The following FCRLB variants were observed in gnomAD, a reference collection of about 807,000 sequenced individuals.
The protein encoded by FCRLB is Fc receptor-like B.
A neutral mutation model predicts 33.6 loss-of-function variants in FCRLB; 34 were observed. That is an observed-to-expected ratio of 1.01 (90% CI 0.77 to 1.35). The LOEUF (loss-of-function observed/expected upper bound fraction) is 1.35, where lower values mean the gene tolerates loss of function less well. FCRLB is among the 40% of genes most tolerant of loss of function. The pLI is 0.00. For missense variants in FCRLB, 560 were observed against 580.2 expected (o/e 0.97, Z 0.36); for synonymous variants, 280 against 255.9 (o/e 1.09, Z -0.90).
Position 161,722,648 on chromosome 1 carries a change from T to C in FCRLB, c.-20-5T>C, listed in dbSNP as rs778671076. ...TCATGCCAGTGCATCTCCATCCTTCTGCAGCTGCTGCAGTCAGATCCATCA... is the reference window on the plus strand; with the variant it reads ...TCATGCCAGTGCATCTCCATCCTTCCGCAGCTGCTGCAGTCAGATCCATCA... On this transcript the variant is annotated splice_region_variant and splice_polypyrimidine_tract_variant and intron_variant, in intron 2 of 7. Transcript: ENST00000367948. The C allele has an allele frequency of 4.3e-6, 7 of 1,613,948 alleles. No homozygotes were observed. Among genetic ancestry groups the C allele is most frequent in the Non-Finnish European group, 5.1e-6 (6 of 1,179,856 alleles).
rs776749280 is a variant in FCRLB, at chr1:161,726,715, C to A, written c.587C>A (p.Ala196Glu). ...GCCCTCTCCGTAGAGCTGTTCCGGG[C>A]GCCGGTGCTGAGGGTGATGGGTCCG... The change falls in exon 7 of 8, where the codon GCG (alanine) becomes GAG (glutamate). Residue 196 changes from alanine (A) to glutamate (E), a missense_variant. Physicochemically the swap from Ala to Glu is moderately radical, Grantham distance 107 (BLOSUM62 -1). Transcript: ENST00000367948. The surrounding 1 kb of genome is among the most constrained non-coding windows in gnomAD (Gnocchi z 5.2). The A allele has an allele frequency of 7.5e-6, 12 of 1,593,888 alleles. No homozygotes were observed. In the African/African-American group the frequency reaches 1.5e-4, roughly 20 times the overall value.
At position 161,726,420 on chromosome 1, in the gene FCRLB, C is replaced by A. The variant is rs1683564280; in HGVS notation, c.575-283C>A. The A allele has an allele frequency of 2.8e-6, 2 of 719,330 alleles. No homozygotes were observed. Among genetic ancestry groups the A allele is most frequent in the Non-Finnish European group, 5.0e-6 (2 of 402,014 alleles). The allele number at this position is 719,330 out of a possible 1,614,324, so 44.6% of individuals were successfully genotyped here. A position where few individuals can be genotyped will look rare whatever the true frequency, so the allele number is the denominator to read the frequency against. ...GCGTCCTGCAAGGCAGGCGCAGCGTCTCCTATTCTAGGCTGCAGAACCCGA... is the reference window on the plus strand; with the variant it reads ...GCGTCCTGCAAGGCAGGCGCAGCGTATCCTATTCTAGGCTGCAGAACCCGA... On this transcript the variant is annotated intron_variant, in intron 6 of 7. Transcript: ENST00000367948. This position sits in a 1 kb window ranked among gnomAD's most constrained non-coding sequence, Gnocchi z 5.2.
At chr1:161,722,377 T>C (rs1192105624) in intron 2 of FCRLB, among the ~76,000 whole-genome samples, 1 of 152,208 alleles carries the variant, frequency 6.6e-6, no homozygotes, top group Non-Finnish European at 1.5e-5. Flanking sequence ...GGGGCTCTCT[T>C]GTGCTGTGGA....
chr1:161,726,359 GC>G lies in FCRLB; in HGVS notation c.574+274del, dbSNP rs5778228. On this transcript the variant is annotated intron_variant, in intron 6 of 7. Coordinates refer to ENST00000367948, the Ensembl canonical transcript of FCRLB. This position sits in a 1 kb window ranked among gnomAD's most constrained non-coding sequence, Gnocchi z 5.2. Reference sequence around the variant, plus strand: ...GAGGGCAGCTCTGGCAGGGGCAGGGGCCACTGTGGGACTGGGACGAAGGAGC... The same window carrying G: ...GAGGGCAGCTCTGGCAGGGGCAGGGGCACTGTGGGACTGGGACGAAGGAGC... 1 of 734,782 alleles carries G rather than the reference GC, an allele frequency of 1.4e-6. No homozygotes were observed. Among genetic ancestry groups the G allele is most frequent in the Non-Finnish European group, 2.4e-6 (1 of 416,818 alleles). 45.5% of individuals were successfully genotyped at this position (734,782 alleles called of 1,614,324 possible). A position where few individuals can be genotyped will look rare whatever the true frequency, so the allele number is the denominator to read the frequency against.
At position 161,726,361 on chromosome 1, in the gene FCRLB, C is replaced by A; in HGVS notation, c.574+274C>A. On this transcript the variant is annotated intron_variant, in intron 6 of 7. Transcript: ENST00000367948. This position sits in a 1 kb window ranked among gnomAD's most constrained non-coding sequence, Gnocchi z 5.2. ...GGGCAGCTCTGGCAGGGGCAGGGGC[C>A]ACTGTGGGACTGGGACGAAGGAGCG... 2.7e-6 allele frequency: 2 copies of A among 731,834 alleles called. No individual in the cohort carries two copies. The highest frequency in any genetic ancestry group is 4.8e-6 in the Non-Finnish European group (2 of 414,284). The allele number at this position is 731,834 out of a possible 1,614,324, so 45.3% of individuals were successfully genotyped here. A position where few individuals can be genotyped will look rare whatever the true frequency, so the allele number is the denominator to read the frequency against.
At chr1:161,722,936 C>T (rs1683419700) in intron 3 of FCRLB, 53 bp from the exon 4 acceptor site, 1 of 1,610,974 alleles carries the variant, frequency 6.2e-7, no homozygotes, top group East Asian at 2.2e-5. Flanking sequence ...TCTCTCTCCT[C>T]TCATCGCCAA....
Position 161,726,247 on chromosome 1 carries a change from AGC to A in FCRLB, c.574+163_574+164del. 7.8e-7 allele frequency: 1 copy of A among 1,275,736 alleles called. No homozygotes were observed. Among genetic ancestry groups the A allele is most frequent in the Non-Finnish European group, 1.1e-6 (1 of 905,794 alleles). 79.0% of individuals were successfully genotyped at this position (1,275,736 alleles called of 1,614,324 possible). ...TGTCTCCTCTCCTTTGCCGTGAAGC[AGC>A]GCTTGATCCGCCGCCTGCTTGGAGG... On this transcript the variant is annotated intron_variant, in intron 6 of 7. Transcript: ENST00000367948. This position sits in a 1 kb window ranked among gnomAD's most constrained non-coding sequence, Gnocchi z 5.2.
chr1:161,725,709 G>T (rs1571081896), intron 5 of FCRLB, 112 bp from the exon 6 acceptor site: 2 of 1,258,370 alleles, frequency 1.6e-6, no homozygotes, highest in East Asian at 4.8e-5. Context: ...GGGAGATGGC[G>T]GGGAAGGGAG....
chr1:161,722,868 A>T, intron 3 of FCRLB, 121 bp from the exon 4 acceptor site: 1 of 1,508,400 alleles, frequency 6.6e-7, no homozygotes, highest in South Asian at 1.2e-5. Flanking sequence ...TTGGGAAACC[A>T]GGGGCAGAAG....
At chr1:161,727,080 C>T in intron 7 of FCRLB, 87 bp downstream of exon 7, 1 of 1,315,282 alleles carries the variant, frequency 7.6e-7, no homozygotes, top group Non-Finnish European at 9.7e-7. Flanking sequence ...CCCCCGCCCC[C>T]TGGTTCCCGT....
At position 161,726,573 on chromosome 1, in the gene FCRLB, G is replaced by A. The variant is rs1267391965; in HGVS notation, c.575-130G>A. 3 of 1,286,404 alleles carry A rather than the reference G, an allele frequency of 2.3e-6. No homozygotes were observed. Among genetic ancestry groups the A allele is most frequent in the East Asian group, 2.5e-5 (1 of 39,642 alleles). 79.7% of individuals were successfully genotyped at this position (1,286,404 alleles called of 1,614,324 possible). ...CAGAAGGCTCCCCTTCCCCCTCCAC[G>A]TGGACACACGGCCTCCTCCCCTCCC... On this transcript the variant is annotated intron_variant, in intron 6 of 7. Transcript: ENST00000367948. This position sits in a 1 kb window ranked among gnomAD's most constrained non-coding sequence, Gnocchi z 5.2.
Position 161,726,157 on chromosome 1 carries a change from G to A in FCRLB, c.574+70G>A. ...AGAAATTCTGGGACAGGAGCTCGGC[G>A]AGAAAAGAAGGGGCGGAAGTTCAAA... On this transcript the variant is annotated intron_variant, in intron 6 of 7. Coordinates refer to ENST00000367948, the Ensembl canonical transcript of FCRLB. The surrounding 1 kb of genome is among the most constrained non-coding windows in gnomAD (Gnocchi z 5.2). The A allele has an allele frequency of 6.2e-7, 1 of 1,608,556 alleles. No homozygotes were observed. The highest frequency in any genetic ancestry group is 1.1e-5 in the South Asian group (1 of 90,514).
exon 6 of FCRLB, chr1:161,725,841 C>T: frequency 1.2e-6 from 2 of 1,611,566 alleles, no homozygotes; most frequent in South Asian, 1.1e-5. Context: ...TCTGCAAGTG[C>T]CCTATGCGCC....
In FCRLB at chr1:161,726,283, T is replaced by G; in HGVS notation, c.574+196T>G. 1.0e-6 allele frequency: 1 copy of G among 978,922 alleles called. No homozygotes were observed. Among genetic ancestry groups the G allele is most frequent in the Non-Finnish European group, 1.6e-6 (1 of 638,566 alleles). The allele number at this position is 978,922 out of a possible 1,614,324, so 60.6% of individuals were successfully genotyped here. A position where few individuals can be genotyped will look rare whatever the true frequency, so the allele number is the denominator to read the frequency against. On this transcript the variant is annotated intron_variant, in intron 6 of 7. Coordinates refer to ENST00000367948, the Ensembl canonical transcript of FCRLB. This position sits in a 1 kb window ranked among gnomAD's most constrained non-coding sequence, Gnocchi z 5.2. ...CGCCGCCTGCTTGGAGGCTGGTCCC[T>G]TTCCCCGACGCACATCCTGGCTTCT...
intron 4 of FCRLB, 64 bp downstream of exon 4, chr1:161,723,073 T>C: frequency 6.3e-7 from 1 of 1,585,762 alleles, no homozygotes; most frequent in Non-Finnish European, 8.7e-7. Flanking sequence ...CTAAGTGACC[T>C]TTTCAAGTAG....
Position 161,726,356 on chromosome 1 carries a change from G to A in FCRLB, c.574+269G>A, listed in dbSNP as rs1224417583. On this transcript the variant is annotated intron_variant, in intron 6 of 7. Coordinates refer to ENST00000367948, the Ensembl canonical transcript of FCRLB. This position sits in a 1 kb window ranked among gnomAD's most constrained non-coding sequence, Gnocchi z 5.2. Reference sequence around the variant, plus strand: ...AGAGAGGGCAGCTCTGGCAGGGGCAGGGGCCACTGTGGGACTGGGACGAAG... The same window carrying A: ...AGAGAGGGCAGCTCTGGCAGGGGCAAGGGCCACTGTGGGACTGGGACGAAG... 2.7e-6 allele frequency: 2 copies of A among 739,788 alleles called. No homozygotes were observed. The highest frequency in any genetic ancestry group is 3.0e-5 in the South Asian group (2 of 67,512). The allele number at this position is 739,788 out of a possible 1,614,324, so 45.8% of individuals were successfully genotyped here. A position where few individuals can be genotyped will look rare whatever the true frequency, so the allele number is the denominator to read the frequency against.
In FCRLB at chr1:161,725,912, C is replaced by G. The variant is rs759088381; in HGVS notation, c.399C>G (p.Tyr133Ter). 10 of 1,614,240 alleles carry G rather than the reference C, an allele frequency of 6.2e-6. No homozygotes were observed. The East Asian group carries it at 2.2e-4, about 36-fold the overall frequency. ...GCGGCTGGTACGACAAGGTGGTCTA[C>G]AAGCTTCACTACTACCACGACGGCC... Residue 133 changes from tyrosine to a stop codon, truncating the protein, a stop_gained, in exon 6 of 8, where the codon TAC (tyrosine) becomes TAG (stop). Transcript: ENST00000367948. LOFTEE classifies it high-confidence loss of function.
rs76320387 is a variant in FCRLB, at chr1:161,727,083, G to C, written c.865+90G>C. ...ACCCACGAATCACCCCCGCCCCCTG[G>C]TTCCCGTCCCGCCCCCCGCCTTTCC... On this transcript the variant is annotated intron_variant, in intron 7 of 7. Transcript: ENST00000367948. 1.2e-3 allele frequency: 1,520 copies of C among 1,262,184 alleles called. 35 individuals carry two copies. The East Asian group carries it at 0.039, about 32-fold the overall frequency. The allele number at this position is 1,262,184 out of a possible 1,614,324, so 78.2% of individuals were successfully genotyped here.
At chr1:161,723,542 G>A in exon 5 of FCRLB, 1 of 1,614,176 alleles carries the variant, frequency 6.2e-7, no homozygotes. Flanking sequence ...AGAGCATTGA[G>A]GTGCAGACAC....
Sources: allele counts gnomAD v4.1 joint callset (sites outside exome capture counted in the v4.1 genomes callset), GRCh38; gene constraint gnomAD v4.1.1; non-coding constraint Gnocchi (gnomAD v3.1); transcripts MANE v1.5; gene names NCBI Gene and HGNC (gene_info 2026-07-23, HGNC 2026-07-21).